AP1S3: variants seen among roughly 807,000 people sequenced by gnomAD.
The protein encoded by AP1S3 is AP-1 complex subunit sigma-3.
Under a neutral mutation model 20.9 loss-of-function variants are expected in AP1S3, and 10 were observed. The ratio of observed to expected loss-of-function variants is 0.48; its 90% CI spans 0.29 to 0.81. AP1S3 has a LOEUF of 0.81. Among genes scored for constraint, AP1S3 ranks in the 30% least tolerant of loss-of-function variants. AP1S3 has a pLI of 0.08. For missense variants in AP1S3, 154 were observed against 183.8 expected (o/e 0.84, Z 0.94); for synonymous variants, 41 against 61.5 (o/e 0.67, Z 1.56).
Position 223,756,859 on chromosome 2 carries a change from G to C in AP1S3, c.*1856C>G, listed in dbSNP as rs1013886403. 5 of 985,188 alleles carry C rather than the reference G, an allele frequency of 5.1e-6. No individual in the cohort carries two copies. The African/African-American group carries it at 8.7e-5, about 17-fold the overall frequency. The allele number at this position is 985,188 out of a possible 1,614,324, so 61.0% of individuals were successfully genotyped here. ...ATCCAACAGGAAACACACTCTTCTAGGAAATCACTGGAGGTCCCAAACCAC... is the reference window on the plus strand; with the variant it reads ...ATCCAACAGGAAACACACTCTTCTACGAAATCACTGGAGGTCCCAAACCAC... On this transcript the variant is annotated 3_prime_UTR_variant, in exon 5 of 5. Transcript: ENST00000396654.
intron 3 of AP1S3, among the ~76,000 whole-genome samples, chr2:223,774,820 C>T (rs569523533): frequency 3.1e-4 from 47 of 152,262 alleles, no homozygotes; most frequent in South Asian, 1.5e-3. Context: ...CAAGACAGAA[C>T]GGATTTTCAG....
chr2:223,763,533 G>C (rs1032346059), intron 4 of AP1S3, among the ~76,000 whole-genome samples: 8 of 151,782 alleles, frequency 5.3e-5, no homozygotes, highest in Admixed American at 5.3e-4. Context: ...CCAACTCCCA[G>C]AGTATTTTAT....
intron 1 of AP1S3, among the ~76,000 whole-genome samples, chr2:223,784,293 C>T (rs1691023573): frequency 6.6e-6 from 1 of 152,124 alleles, no homozygotes; most frequent in Non-Finnish European, 1.5e-5. Flanking sequence ...ACCATGCCCC[C>T]ATATTCCCAG....
intron 1 of AP1S3, among the ~76,000 whole-genome samples, chr2:223,797,490 C>T (rs575081445): frequency 2.3e-4 from 35 of 152,224 alleles, no homozygotes; most frequent in African/African-American, 8.2e-4. Context: ...TTCAGGCTGA[C>T]ACAGCTCACG....
chr2:223,804,435 A>G (rs981172495), intron 1 of AP1S3, among the ~76,000 whole-genome samples: 2 of 152,192 alleles, frequency 1.3e-5, no homozygotes, highest in Non-Finnish European at 2.9e-5. Context: ...ATGGTGGCTC[A>G]TGCCTGTAAT....
At chr2:223,821,614 G>T (rs1009680376) in intron 1 of AP1S3, among the ~76,000 whole-genome samples, 3 of 152,152 alleles carry the variant, frequency 2.0e-5, no homozygotes, top group Non-Finnish European at 4.4e-5. Flanking sequence ...CAGAGATTTC[G>T]TGAGCAATGC....
chr2:223,760,131 C>T (rs1343067648), intron 4 of AP1S3, among the ~76,000 whole-genome samples: 1 of 152,174 alleles, frequency 6.6e-6, no homozygotes, highest in African/African-American at 2.4e-5. Flanking sequence ...CTCTTGCACA[C>T]TCTCCTACTT....
At chr2:223,774,275 A>G (rs1012496947) in intron 3 of AP1S3, among the ~76,000 whole-genome samples, 6 of 152,092 alleles carry the variant, frequency 3.9e-5, no homozygotes, top group Admixed American at 6.6e-5. Flanking sequence ...TGAGGCAGGA[A>G]GATCGCTTGA....
chr2:223,788,249 A>G (rs936572290), intron 1 of AP1S3, among the ~76,000 whole-genome samples: 3 of 150,748 alleles, frequency 2.0e-5, no homozygotes, highest in Non-Finnish European at 3.0e-5. Context: ...GCCAGGCTGG[A>G]CTGCCACAGT....
At chr2:223,837,036 T>C (rs1355719678) in intron 1 of AP1S3, among the ~76,000 whole-genome samples, 1 of 152,088 alleles carries the variant, frequency 6.6e-6, no homozygotes, top group East Asian at 1.9e-4. Context: ...CGCTTCTTAC[T>C]TTAGAAGTTC....
chr2:223,773,455 T>G, intron 3 of AP1S3: 1 of 1,159,336 alleles, frequency 8.6e-7, no homozygotes, highest in Non-Finnish European at 1.1e-6. Context: ...CATTTGCAAA[T>G]TTCTCCTTAA....
rs578003271 is a variant in AP1S3 at position 223,794,291 on chromosome 2, A to G, written c.4-16422T>C. Among the ~76,000 whole-genome samples, 15 of 152,162 alleles carry G rather than the reference A, an allele frequency of 9.9e-5. 1 individual carries two copies. In the South Asian group the frequency reaches 3.1e-3, roughly 32 times the overall value. ...ACACTAACGCCTATAACTAACCCCT[A>G]TAACACTAACACTATTGCGCCACTG... On this transcript the variant is annotated intron_variant, in intron 1 of 4. Transcript: ENST00000396654.
intron 3 of AP1S3, among the ~76,000 whole-genome samples, chr2:223,770,885 G>A (rs1690609581): frequency 6.6e-6 from 1 of 151,894 alleles, no homozygotes; most frequent in East Asian, 2.0e-4. Flanking sequence ...ATGCCACCAT[G>A]CCTGGCTAAT....
chr2:223,812,980 G>A (rs1022797642), intron 1 of AP1S3, among the ~76,000 whole-genome samples: 2 of 151,946 alleles, frequency 1.3e-5, no homozygotes, highest in Admixed American at 1.3e-4. Flanking sequence ...CCAGGCTGGA[G>A]TGAGGTGGCA....
At chr2:223,766,349 T>C (rs1015688073) in intron 3 of AP1S3, among the ~76,000 whole-genome samples, 5 of 152,228 alleles carry the variant, frequency 3.3e-5, no homozygotes, top group South Asian at 2.1e-4. Flanking sequence ...GATGGATAGA[T>C]TGCAAAAGTT....
At chr2:223,835,353 C>T (rs1258781412) in intron 1 of AP1S3, among the ~76,000 whole-genome samples, 1 of 152,154 alleles carries the variant, frequency 6.6e-6, no homozygotes, top group African/African-American at 2.4e-5. Context: ...ATCACAAATG[C>T]CCAATAACAT....
intron 1 of AP1S3, among the ~76,000 whole-genome samples, chr2:223,819,163 G>A (rs756991279): frequency 1.3e-5 from 2 of 152,160 alleles, no homozygotes; most frequent in African/African-American, 4.8e-5. Context: ...AAGTAGTACA[G>A]TGAGTGCCAA....
Position 223,757,712 on chromosome 2 carries a change from G to A in AP1S3, c.*1003C>T, listed in dbSNP as rs1033212460. ...ATGGTCAGCAGCAAATCTTTTCTTT[G>A]GGGAGGAAAGGGTAAGAAAAGAAAA... On this transcript the variant is annotated 3_prime_UTR_variant, in exon 5 of 5. Coordinates refer to ENST00000396654, the MANE Select transcript of AP1S3 (RefSeq NM_001039569.2). 11 of 985,294 alleles carry A rather than the reference G, an allele frequency of 1.1e-5. No individual in the cohort carries two copies. Among genetic ancestry groups the A allele is most frequent in the Non-Finnish European group, 1.3e-5 (11 of 829,910 alleles). 61.0% of individuals were successfully genotyped at this position (985,294 alleles called of 1,614,324 possible).
chr2:223,832,106 T>C (rs1330436895), intron 1 of AP1S3, among the ~76,000 whole-genome samples: 2 of 148,730 alleles, frequency 1.3e-5, no homozygotes, highest in Non-Finnish European at 3.0e-5. Flanking sequence ...AAAGGACTTA[T>C]TCTGGGGATT....
Sources: gnomAD v4.1 joint callset for allele counts (sites outside exome capture counted in the v4.1 genomes callset) on GRCh38, gnomAD v4.1.1 for gene constraint, MANE v1.5 for transcripts, NCBI Gene and HGNC (gene_info 2026-07-23, HGNC 2026-07-21) for gene names.